Variants in INPP4B observed in about 807,000 individuals in gnomAD.
The protein encoded by INPP4B is inositol polyphosphate 4-phosphatase type II.
Under a neutral mutation model 122.5 loss-of-function variants are expected in INPP4B, and 55 were observed. That is an observed-to-expected ratio of 0.45 (90% CI 0.36 to 0.56). The LOEUF (loss-of-function observed/expected upper bound fraction) is 0.56, where lower values mean the gene tolerates loss of function less well. Ranked by LOEUF, INPP4B falls within the 20% of genes least tolerant of loss-of-function variation. INPP4B has a pLI of 0.00. For missense variants in INPP4B, 1,000 were observed against 1,097.7 expected (o/e 0.91, Z 1.26); for synonymous variants, 403 against 388.7 (o/e 1.04, Z -0.43).
chr4:142,194,347 G>A (rs986582646), intron 14 of INPP4B, among the ~76,000 whole-genome samples: 1 of 152,112 alleles, frequency 6.6e-6, no homozygotes, highest in African/African-American at 2.4e-5. Flanking sequence ...CAGAACATTA[G>A]ATCTGTAAGA....
chr4:142,649,837 CA>C (rs1346864583), intron 2 of INPP4B, among the ~76,000 whole-genome samples: 1 of 152,174 alleles, frequency 6.6e-6, no homozygotes, highest in Non-Finnish European at 1.5e-5. Context: ...CAAAGCAGGC[CA>C]ACATTCAAAT....
At chr4:142,803,125 T>G (rs1202505193) in intron 1 of INPP4B, among the ~76,000 whole-genome samples, 1 of 142,780 alleles carries the variant, frequency 7.0e-6, no homozygotes, top group Non-Finnish European at 1.5e-5. Flanking sequence ...TAAGCCGAAA[T>G]TGCACCACTG....
intron 3 of INPP4B, among the ~76,000 whole-genome samples, chr4:142,441,719 G>T (rs184497051): frequency 1.2e-4 from 19 of 152,084 alleles, no homozygotes; most frequent in Admixed American, 1.2e-3. Context: ...GGTCAGTGAT[G>T]GGAGGAGCAG....
At chr4:142,058,395 T>C (rs1758811675) in intron 25 of INPP4B, among the ~76,000 whole-genome samples, 2 of 152,144 alleles carry the variant, frequency 1.3e-5, no homozygotes, top group South Asian at 4.1e-4. Context: ...CGTTTTAAAA[T>C]ACACAGCACA....
At chr4:142,260,165 T>C (rs1739125090) in intron 11 of INPP4B, among the ~76,000 whole-genome samples, 2 of 152,158 alleles carry the variant, frequency 1.3e-5, no homozygotes, top group African/African-American at 2.4e-5. Context: ...TTGGTATTTT[T>C]AGTAGAGACG....
intron 1 of INPP4B, among the ~76,000 whole-genome samples, chr4:142,808,846 A>C (rs1396485577): frequency 6.6e-6 from 1 of 152,154 alleles, no homozygotes; most frequent in Non-Finnish European, 1.5e-5. Context: ...AAAATCATCT[A>C]TATCTTTTAG....
At chr4:142,593,040 G>T (rs745664857) in intron 2 of INPP4B, among the ~76,000 whole-genome samples, 1 of 151,776 alleles carries the variant, frequency 6.6e-6, no homozygotes, top group Non-Finnish European at 1.5e-5. Flanking sequence ...GGAGTTCAAG[G>T]CTGCAGTGAG....
chr4:142,101,113 T>C (rs562017874), intron 23 of INPP4B, among the ~76,000 whole-genome samples: 1 of 152,198 alleles, frequency 6.6e-6, no homozygotes, highest in South Asian at 2.1e-4. Context: ...TATAGGGCTC[T>C]GAAAAGCAGA....
At chr4:142,667,304 A>G (rs1486403794) in intron 2 of INPP4B, among the ~76,000 whole-genome samples, 1 of 152,052 alleles carries the variant, frequency 6.6e-6, no homozygotes, top group Non-Finnish European at 1.5e-5. Context: ...TATAATCTTG[A>G]CCCAGTTGGT....
intron 7 of INPP4B, chr4:142,347,512 CA>C: frequency 2.3e-6 from 1 of 441,510 alleles, no homozygotes; most frequent in South Asian, 1.6e-5. Flanking sequence ...ACACTTGCCT[CA>C]GGGGTCAAAA....
At chr4:142,140,290 T>C (rs1211001776) in intron 18 of INPP4B, among the ~76,000 whole-genome samples, 1 of 152,180 alleles carries the variant, frequency 6.6e-6, no homozygotes, top group Non-Finnish European at 1.5e-5. Flanking sequence ...CTGGATAGAT[T>C]AGGAAAAATA....
At chr4:142,653,455 A>C (rs562075104) in intron 2 of INPP4B, among the ~76,000 whole-genome samples, 10 of 152,312 alleles carry the variant, frequency 6.6e-5, no homozygotes, top group African/African-American at 2.4e-4. Context: ...AATGGGAGAA[A>C]ATTTTTGCAA....
At chr4:142,375,541 T>C (rs1416766247) in intron 7 of INPP4B, among the ~76,000 whole-genome samples, 1 of 151,930 alleles carries the variant, frequency 6.6e-6, no homozygotes, top group African/African-American at 2.4e-5. Context: ...GAAGTAGAGA[T>C]ACTTGCTTTA....
At chr4:142,085,667 A>G (rs1440197486) in intron 24 of INPP4B, among the ~76,000 whole-genome samples, 1 of 152,202 alleles carries the variant, frequency 6.6e-6, no homozygotes, top group African/African-American at 2.4e-5. Flanking sequence ...AGAGCAATCC[A>G]TCAGTAATGA....
chr4:142,837,037 G>T (rs1417169620), intron 1 of INPP4B, among the ~76,000 whole-genome samples: 1 of 151,736 alleles, frequency 6.6e-6, no homozygotes, highest in African/African-American at 2.4e-5. Flanking sequence ...GTGGTGGCAC[G>T]TGCCTGTAAT....
intron 7 of INPP4B, among the ~76,000 whole-genome samples, chr4:142,352,722 G>C (rs1479642136): frequency 6.6e-6 from 1 of 151,862 alleles, no homozygotes; most frequent in African/African-American, 2.4e-5. Flanking sequence ...ACCTATGAAA[G>C]TGTAAACACT....
At chr4:142,453,000 C>G (rs1814643112) in intron 3 of INPP4B, among the ~76,000 whole-genome samples, 1 of 152,092 alleles carries the variant, frequency 6.6e-6, no homozygotes, top group South Asian at 2.1e-4. Flanking sequence ...TTCTGGAAAT[C>G]TAAGTAAAGG....
chr4:142,670,350 A>G (rs1756817837), intron 2 of INPP4B, among the ~76,000 whole-genome samples: 1 of 152,208 alleles, frequency 6.6e-6, no homozygotes, highest in Admixed American at 6.5e-5. Context: ...TTCCATGTTT[A>G]TTGCAGCATT....
intron 2 of INPP4B, among the ~76,000 whole-genome samples, chr4:142,713,826 G>A (rs923941986): frequency 6.6e-6 from 1 of 152,126 alleles, no homozygotes; most frequent in African/African-American, 2.4e-5. Flanking sequence ...AAGCCAATCT[G>A]TCTAAACAAA....
Sources: gnomAD v4.1 joint callset for allele counts (sites outside exome capture counted in the v4.1 genomes callset) on GRCh38, gnomAD v4.1.1 for gene constraint, MANE v1.5 for transcripts, NCBI Gene and HGNC (gene_info 2026-07-23, HGNC 2026-07-21) for gene names.